The following POLDIP2 variants were observed in gnomAD, a reference collection of about 807,000 sequenced individuals.
POLDIP2 encodes DNA polymerase delta interacting protein 2.
A neutral mutation model predicts 52.9 loss-of-function variants in POLDIP2; 32 were observed. The ratio of observed to expected loss-of-function variants is 0.61; its 90% CI spans 0.46 to 0.81. The LOEUF (loss-of-function observed/expected upper bound fraction) is 0.81, where lower values mean the gene tolerates loss of function less well. Among genes scored for constraint, POLDIP2 ranks in the 40% least tolerant of loss-of-function variants. The pLI is 0.00. For synonymous variants in POLDIP2, 183 were observed against 183.0 expected (o/e 1.00, Z 0.00); for missense variants, 371 against 477.3 (o/e 0.78, Z 2.07).
intron 5 of POLDIP2, 75 bp from the exon 6 acceptor site, chr17:28,353,094 C>T (rs1907871716): frequency 2.6e-6 from 2 of 764,522 alleles, no homozygotes; most frequent in African/African-American, 1.7e-5. Context: ...GAAACATTAA[C>T]TGGCCTTGTT....
At position 28,348,150 on chromosome 17, in the gene POLDIP2, A is replaced by C; in HGVS notation, c.1074T>G (p.Asp358Glu). 1 of 1,613,636 alleles carries C rather than the reference A, an allele frequency of 6.2e-7. No individual in the cohort carries two copies. Among genetic ancestry groups the C allele is most frequent in the Non-Finnish European group, 8.5e-7 (1 of 1,179,528 alleles). ...GAAGGCCTGAGGGTGGTGTCTTCTC[A>C]TCTTTATTGCTTTCCAGGGAGAAGG... ...IPPFSLESNK[D>E]EKTPPSGLHW The change falls in exon 11 of 11, where the codon GAT (aspartate) becomes GAG (glutamate). Residue 358 changes from aspartate to glutamate, a missense_variant. Physicochemically the swap from Asp to Glu is conservative, Grantham distance 45. Transcript: ENST00000540200.
chr17:28,353,671 A>G, intron 4 of POLDIP2, 24 bp downstream of exon 4: 1 of 1,533,664 alleles, frequency 6.5e-7, no homozygotes, highest in Non-Finnish European at 9.0e-7. Flanking sequence ...AGGACCCCCA[A>G]GCCCAGCCAT....
intron 9 of POLDIP2, among the ~76,000 whole-genome samples, chr17:28,349,656 T>C (rs1555579599): frequency 8.5e-6 from 1 of 117,588 alleles, no homozygotes; most frequent in Non-Finnish European, 1.7e-5. Context: ...TGTGGAGATA[T>C]CCCCTCCAGT....
At chr17:28,353,922 C>T (rs1907920081) in intron 3 of POLDIP2, 131 bp from the exon 4 acceptor site, 2 of 678,384 alleles carry the variant, frequency 2.9e-6, no homozygotes, top group Non-Finnish European at 5.4e-6. Context: ...CAGCTGGACA[C>T]CTGCTCTGCA....
At position 28,353,029 on chromosome 17, in the gene POLDIP2, A is replaced by C. The variant is rs1555580307; in HGVS notation, c.515-10T>G. 1 of 910,030 alleles carries C rather than the reference A, an allele frequency of 1.1e-6. No individual in the cohort carries two copies. The highest frequency in any genetic ancestry group is 1.3e-5 in the South Asian group (1 of 76,586). The allele number at this position is 910,030 out of a possible 1,614,324, so 56.4% of individuals were successfully genotyped here. ...CTGACATAGTCCAAGCCTGGCACAG[A>C]GATGCAAAAGACAGTGGTGAAACTC... On this transcript the variant is annotated splice_polypyrimidine_tract_variant and intron_variant, in intron 5 of 10. Coordinates refer to ENST00000540200, the MANE Select transcript of POLDIP2 (RefSeq NM_015584.5).
rs1907864282 is a variant in POLDIP2 at position 28,352,938 on chromosome 17, C to G, written c.596G>C (p.Arg199Thr). The change falls in exon 6 of 11, where the codon AGA becomes ACA. Residue 199 changes from arginine (R) to threonine (T), a missense_variant. By Grantham distance (71) the Arg-to-Thr change is moderately conservative. Transcript: ENST00000540200. The part of the protein sequence containing the change: ...QVPIQHELFE[R>T]FLLYDQTKAP... Reference sequence around the variant, plus strand: ...TTTTGTCTGGTCATACAGAAGAAATCTTTCAAAGAGTTCATGTTGGATGGG... The same window carrying G: ...TTTTGTCTGGTCATACAGAAGAAATGTTTCAAAGAGTTCATGTTGGATGGG... 1.3e-6 allele frequency: 2 copies of G among 1,590,336 alleles called. No individual in the cohort carries two copies. Among genetic ancestry groups the G allele is most frequent in the Non-Finnish European group, 1.7e-6 (2 of 1,158,390 alleles).
rs1270689361 is a variant in POLDIP2 at position 28,353,917 on chromosome 17, G to A, written c.342-126C>T. 3 of 688,284 alleles carry A rather than the reference G, an allele frequency of 4.4e-6. No individual in the cohort carries two copies. In the African/African-American group the frequency reaches 5.3e-5, roughly 12 times the overall value. The allele number at this position is 688,284 out of a possible 1,614,324, so 42.6% of individuals were successfully genotyped here. A position where few individuals can be genotyped will look rare whatever the true frequency, so the allele number is the denominator to read the frequency against. On this transcript the variant is annotated intron_variant, in intron 3 of 10. Coordinates refer to ENST00000540200, the MANE Select transcript of POLDIP2 (RefSeq NM_015584.5). The stretch of plus-strand genomic sequence containing the variant: ...ATCTAAAGGGGCTTTAGCACCAGCT[G>A]GACACCTGCTCTGCAGCACCTCAGC...
At chr17:28,353,660 G>A in intron 4 of POLDIP2, 35 bp downstream of exon 4, 1 of 1,426,720 alleles carries the variant, frequency 7.0e-7, no homozygotes, top group Non-Finnish European at 9.9e-7. Context: ...TTTCCATGGA[G>A]AGGACCCCCA....
intron 1 of POLDIP2, 119 bp from the exon 2 acceptor site, chr17:28,355,995 G>C (rs1908012589): frequency 1.4e-6 from 1 of 723,800 alleles, no homozygotes; most frequent in African/African-American, 1.8e-5. Context: ...GAAGGGTTTG[G>C]GGTAGTGGGA....
At chr17:28,354,612 G>C (rs1312322911) in intron 2 of POLDIP2, 27 bp from the exon 3 acceptor site, 2 of 1,461,528 alleles carry the variant, frequency 1.4e-6, no homozygotes, top group East Asian at 4.9e-5. Flanking sequence ...GCCTCAGTGA[G>C]TCTGCAGTCC....
At position 28,350,453 on chromosome 17, in the gene POLDIP2, T is replaced by G. The variant is rs782811032; in HGVS notation, c.897A>C (p.Arg299=). Reference sequence around the variant, plus strand: ...GGATGCTCACCCTGCCCACTACCCCTCGGCCTCGCACTGTCTCCAAGGTGC... The same window carrying G: ...GGATGCTCACCCTGCCCACTACCCCGCGGCCTCGCACTGTCTCCAAGGTGC... ...LSGTLETVRG[R]GVVGREPVLS... Residue 299 remains arginine, a synonymous_variant, in exon 9 of 11, where the codon CGA becomes CGC. Transcript: ENST00000540200. 2 of 1,610,240 alleles carry G rather than the reference T, an allele frequency of 1.2e-6. No homozygotes were observed. Among genetic ancestry groups the G allele is most frequent in the South Asian group, 2.2e-5 (2 of 90,400 alleles).
intron 4 of POLDIP2, among the ~76,000 whole-genome samples, 175 bp downstream of exon 4, chr17:28,353,520 C>CAGAAAAAAAAAAAAAAAAAAAAAAAAAAA: frequency 1.8e-5 from 1 of 54,804 alleles, no homozygotes; most frequent in East Asian, 2.1e-3. Flanking sequence ...GACTCCATAT[C>CAGAAAAAAAAAAAAAAAAAAAAAAAAAAA]AAAAAAAAAA....
rs1555579022 is a variant in POLDIP2 at position 28,346,803 on chromosome 17, T to C, written c.*1314A>G. On this transcript the variant is annotated 3_prime_UTR_variant, in exon 11 of 11. Transcript: ENST00000540200. ...TGAAGGTCAGATTTTCTTGTCAGTT[T>C]CTGAGAAACCTGGCAGCCTGCTGTT... 1 of 152,216 alleles carries C rather than the reference T, an allele frequency of 6.6e-6. No homozygotes were observed. The highest frequency in any genetic ancestry group is 1.5e-5 in the Non-Finnish European group (1 of 68,042). The allele number at this position is 152,216 out of a possible 1,614,324, so 9.4% of individuals were successfully genotyped here. A position where few individuals can be genotyped will look rare whatever the true frequency, so the allele number is the denominator to read the frequency against.
chr17:28,349,087 T>C lies in POLDIP2; in HGVS notation c.988A>G (p.Met330Val), dbSNP rs1907698160. The C allele has an allele frequency of 6.2e-7, 1 of 1,611,212 alleles. No individual in the cohort carries two copies. The highest frequency in any genetic ancestry group is 1.1e-5 in the South Asian group (1 of 90,812). The change falls in exon 10 of 11, where the codon ATG becomes GTG. Residue 330 changes from methionine to valine, a missense_variant. Coordinates refer to ENST00000540200, the MANE Select transcript of POLDIP2 (RefSeq NM_015584.5). ...CTGCTGTGCACACTCACTCACCACATGTGCCCACTGGAAGCCTGCAGCGAG... is the reference window on the plus strand; with the variant it reads ...CTGCTGTGCACACTCACTCACCACACGTGCCCACTGGAAGCCTGCAGCGAG... ...HVSLQASSGH[M>V]WGTFRFERPD...
chr17:28,350,290 T>C, intron 9 of POLDIP2, 148 bp downstream of exon 9: 1 of 627,608 alleles, frequency 1.6e-6, no homozygotes, highest in African/African-American at 1.8e-5. Context: ...ACATATCTCA[T>C]GTAGTTGTTT....
intron 1 of POLDIP2, among the ~76,000 whole-genome samples, chr17:28,356,573 G>A (rs1555580962): frequency 1.3e-5 from 2 of 152,086 alleles, no homozygotes; most frequent in African/African-American, 4.8e-5. Context: ...ATTCTCACAG[G>A]GGTCTTAAAT....
chr17:28,349,940 CCT>C (rs1475458315), intron 9 of POLDIP2, among the ~76,000 whole-genome samples: 2 of 152,122 alleles, frequency 1.3e-5, no homozygotes, highest in African/African-American at 4.8e-5. Flanking sequence ...GAATGTGGCC[CCT>C]GACACCAGTA....
At chr17:28,351,608 A>G in intron 7 of POLDIP2, 56 bp downstream of exon 7, 1 of 1,555,480 alleles carries the variant, frequency 6.4e-7, no homozygotes, top group Non-Finnish European at 8.8e-7. Flanking sequence ...CACCTTAAGG[A>G]CACCATACAC....
chr17:28,352,239 T>G (rs76730169), intron 6 of POLDIP2, among the ~76,000 whole-genome samples: 1 of 128,004 alleles, frequency 7.8e-6, no homozygotes, highest in Non-Finnish European at 1.6e-5. Context: ...AATTATTTCT[T>G]TTTTTTTTTT....
Sources: allele counts gnomAD v4.1 joint callset (sites outside exome capture counted in the v4.1 genomes callset), GRCh38; gene constraint gnomAD v4.1.1; transcripts MANE v1.5; gene names NCBI Gene and HGNC (gene_info 2026-07-23, HGNC 2026-07-21).